The following FLI1 variants were observed in gnomAD, a reference collection of about 807,000 sequenced individuals.
FLI1 encodes the protein Fli-1 proto-oncogene, ETS transcription factor, also known as Friend leukemia integration 1 transcription factor.
Under a neutral mutation model 53.1 loss-of-function variants are expected in FLI1, and 13 were observed. The observed-to-expected ratio is 0.24, with a 90% CI of 0.16 to 0.39. The LOEUF (loss-of-function observed/expected upper bound fraction) is 0.39, where lower values mean the gene tolerates loss of function less well. Ranked by LOEUF, FLI1 falls within the 10% of genes least tolerant of loss-of-function variation. FLI1 has a pLI of 1.00. For missense variants in FLI1, 424 were observed against 600.5 expected (o/e 0.71, Z 3.07); for synonymous variants, 244 against 236.7 (o/e 1.03, Z -0.28).
intron 2 of FLI1, among the ~76,000 whole-genome samples, chr11:128,759,476 A>T (rs1464679904): frequency 1.2e-4 from 18 of 152,350 alleles, no homozygotes. Flanking sequence ...AATATCCCAG[A>T]TAGGAAATAA....
At chr11:128,728,870 G>A (rs1939583067) in intron 1 of FLI1, among the ~76,000 whole-genome samples, 1 of 152,176 alleles carries the variant, frequency 6.6e-6, no homozygotes, top group South Asian at 2.1e-4. Context: ...AGCCAAGGGT[G>A]GGGTGAAGGA....
At chr11:128,752,947 G>T (rs952616551) in intron 1 of FLI1, among the ~76,000 whole-genome samples, 7 of 152,224 alleles carry the variant, frequency 4.6e-5, no homozygotes, top group African/African-American at 1.4e-4. Context: ...AGGACCAGGA[G>T]GGGGTCGTGG....
Position 128,810,770 on chromosome 11 carries a change from T to A in FLI1, c.1141T>A (p.Tyr381Asn). The change falls in exon 9 of 9, where the codon TAC becomes AAC. Residue 381 changes from tyrosine (Y) to asparagine (N), a missense_variant. By Grantham distance (143) the Tyr-to-Asn change is moderately radical (BLOSUM62 -2). This residue lies in a region of FLI1 where 87 missense variants were observed against 100.0 expected (regional missense o/e 0.87). Transcript: ENST00000527786. The surrounding 1 kb of genome is among the most constrained non-coding windows in gnomAD (Gnocchi z 6.6). ...TCCGACCGAGTCGTCCATGTACAAG[T>A]ACCCTTCTGACATCTCCTACATGCC... is the stretch of plus-strand genomic sequence containing the variant. ...PHPTESSMYK[Y>N]PSDISYMPSY... The A allele has an allele frequency of 6.2e-7, 1 of 1,614,062 alleles. No homozygotes were observed. The highest frequency in any genetic ancestry group is 8.5e-7 in the Non-Finnish European group (1 of 1,179,894).
chr11:128,764,444 G>A (rs372516304), intron 2 of FLI1, among the ~76,000 whole-genome samples: 41 of 152,282 alleles, frequency 2.7e-4, no homozygotes, highest in Middle Eastern at 3.4e-3. Flanking sequence ...ACACCCTTGG[G>A]GCCACCGCCA....
intron 2 of FLI1, among the ~76,000 whole-genome samples, chr11:128,760,086 C>A (rs1180775569): frequency 1.3e-5 from 2 of 152,158 alleles, no homozygotes; most frequent in African/African-American, 4.8e-5. Flanking sequence ...AGCCTGCAGC[C>A]CCTCAGATGA....
intron 1 of FLI1, among the ~76,000 whole-genome samples, 160 bp downstream of exon 1, chr11:128,694,436 C>T (rs534994247): frequency 6.6e-6 from 1 of 152,130 alleles, no homozygotes; most frequent in African/African-American, 2.4e-5. Flanking sequence ...GGTGGCGAGT[C>T]CTACTCGCGG....
intron 2 of FLI1, among the ~76,000 whole-genome samples, chr11:128,766,178 C>T (rs1226961692): frequency 6.6e-6 from 1 of 152,210 alleles, no homozygotes; most frequent in Non-Finnish European, 1.5e-5. Flanking sequence ...CAGAGCTCAG[C>T]TCAGATGCAG....
intron 2 of FLI1, among the ~76,000 whole-genome samples, chr11:128,767,407 T>C (rs1051491897): frequency 8.5e-5 from 13 of 152,152 alleles, no homozygotes; most frequent in African/African-American, 2.9e-4. Flanking sequence ...AAGACCTGAG[T>C]CCTGTTTCCA....
intron 7 of FLI1, 38 bp from the exon 8 acceptor site, chr11:128,809,119 A>G (rs1368675117): frequency 6.3e-7 from 1 of 1,584,372 alleles, no homozygotes; most frequent in African/African-American, 1.3e-5. Flanking sequence ...CATATTTTTT[A>G]AAAACACTGA....
At chr11:128,736,019 C>T (rs974862030) in intron 1 of FLI1, among the ~76,000 whole-genome samples, 4 of 152,118 alleles carry the variant, frequency 2.6e-5, no homozygotes, top group Non-Finnish European at 4.4e-5. Flanking sequence ...CCAAATTGAT[C>T]ATCTTTAGGC....
rs369283076 is a variant in FLI1, at chr11:128,768,328, G to A, written c.385+56G>A. 11 of 1,440,780 alleles carry A rather than the reference G, an allele frequency of 7.6e-6. No homozygotes were observed. The East Asian group carries it at 2.1e-4, about 27-fold the overall frequency. The allele number at this position is 1,440,780 out of a possible 1,614,324, so 89.2% of individuals were successfully genotyped here. A position where few individuals can be genotyped will look rare whatever the true frequency, so the allele number is the denominator to read the frequency against. The stretch of plus-strand genomic sequence containing the variant: ...ATTCACTTCCCCACTCTCTGGGGGG[G>A]CAGGGAGCATCTAAACCTTTATCTG... On this transcript the variant is annotated intron_variant, in intron 3 of 8. Transcript: ENST00000527786.
At chr11:128,806,779 C>G (rs1942793196) in intron 6 of FLI1, 1 of 155,414 alleles carries the variant, frequency 6.4e-6, no homozygotes, top group South Asian at 2.0e-4. Flanking sequence ...ATGTCACTTT[C>G]TCAGTAAGGA....
At chr11:128,693,941 C>CGAGAGAGAGAGAGAGA (rs57930585), upstream of FLI1, 11 of 176,732 alleles carry the variant, frequency 6.2e-5, no homozygotes, top group Admixed American at 9.4e-5. Context: ...GAGCTCGAGG[C>CGAGAGAGAGAGAGAGA]GAGAGAGAGA....
At chr11:128,731,404 C>T (rs769266908) in intron 1 of FLI1, among the ~76,000 whole-genome samples, 2 of 151,902 alleles carry the variant, frequency 1.3e-5, no homozygotes, top group Non-Finnish European at 2.9e-5. Context: ...GCTTGTCTAA[C>T]GGTCTGCTCG....
chr11:128,740,267 C>T (rs1185841042), intron 1 of FLI1, among the ~76,000 whole-genome samples: 4 of 152,208 alleles, frequency 2.6e-5, no homozygotes, highest in Non-Finnish European at 4.4e-5. Context: ...GGGACCCACA[C>T]GGGCCTGAAA....
chr11:128,689,872 C>A (rs1177781505), upstream of FLI1, among the ~76,000 whole-genome samples: 1 of 152,182 alleles, frequency 6.6e-6, no homozygotes, highest in South Asian at 2.1e-4. Context: ...CCGGCCCTCC[C>A]GCCGCCGCGG....
At chr11:128,712,212 T>A (rs1938809414) in intron 1 of FLI1, among the ~76,000 whole-genome samples, 1 of 152,102 alleles carries the variant, frequency 6.6e-6, no homozygotes, top group Non-Finnish European at 1.5e-5. Flanking sequence ...GTCTGGGACC[T>A]CCTCCTTCTC....
intron 2 of FLI1, among the ~76,000 whole-genome samples, chr11:128,763,183 C>T (rs1223263048): frequency 1.3e-5 from 2 of 152,176 alleles, no homozygotes; most frequent in East Asian, 1.9e-4. Flanking sequence ...CTACCATGCC[C>T]ACTTGCTTTT....
chr11:128,712,069 T>C (rs1201101344), intron 1 of FLI1, among the ~76,000 whole-genome samples: 4 of 152,148 alleles, frequency 2.6e-5, no homozygotes, highest in Non-Finnish European at 5.9e-5. Flanking sequence ...TGATTCGCAG[T>C]GTTGGAGGTG....
Sources: gnomAD v4.1 joint callset for allele counts (sites outside exome capture counted in the v4.1 genomes callset) on GRCh38, gnomAD v4.1.1 for gene constraint, gnomAD v4.1.1 regional missense constraint, Gnocchi (gnomAD v3.1) non-coding constraint, MANE v1.5 for transcripts, NCBI Gene and HGNC (gene_info 2026-07-23, HGNC 2026-07-21) for gene names.